The following PHLPP1 variants were observed in gnomAD, a reference collection of about 807,000 sequenced individuals.
PHLPP1 encodes the protein PH domain leucine-rich repeat-containing protein phosphatase 1.
Under a neutral mutation model 117.2 loss-of-function variants are expected in PHLPP1, and 42 were observed. That is an observed-to-expected ratio of 0.36 (90% CI 0.28 to 0.46). The LOEUF (loss-of-function observed/expected upper bound fraction) is 0.46, where lower values mean the gene tolerates loss of function less well. PHLPP1 is among the 20% of genes least tolerant of loss of function. The pLI is 1.00. For synonymous variants in PHLPP1, 1,042 were observed against 970.7 expected, an observed-to-expected ratio of 1.07 and a Z score of -1.37; for missense variants, 2,084 against 2,241.9, an observed-to-expected ratio of 0.93 and a Z score of 1.42.
chr18:62,839,926 A>G (rs993357817), intron 3 of PHLPP1: 15 of 151,756 alleles, frequency 9.9e-5, no homozygotes, highest in South Asian at 4.2e-4. Context: ...GTGTAAAATA[A>G]TGGGGTGGAT....
At chr18:62,936,204 G>A (rs1909962482) in intron 10 of PHLPP1, among the ~76,000 whole-genome samples, 1 of 152,072 alleles carries the variant, frequency 6.6e-6, no homozygotes, top group Non-Finnish European at 1.5e-5. Flanking sequence ...AGCTCCCAGT[G>A]GCCACATTTG....
intron 1 of PHLPP1, among the ~76,000 whole-genome samples, chr18:62,766,103 A>ATATATATATATATATATG (rs1491171718): frequency 1.9e-5 from 1 of 53,358 alleles, no homozygotes; most frequent in Non-Finnish European, 4.0e-5. Context: ...ATATATATAT[A>ATATATATATATATATATG]AAATATATAT....
At chr18:62,915,162 A>G (rs1909229682) in intron 9 of PHLPP1, among the ~76,000 whole-genome samples, 154 bp downstream of exon 9, 1 of 152,200 alleles carries the variant, frequency 6.6e-6, no homozygotes, top group Non-Finnish European at 1.5e-5. Flanking sequence ...TTCAAGTTAC[A>G]CACTTGCTTC....
At chr18:62,969,879 G>A (rs992804868) in intron 14 of PHLPP1, among the ~76,000 whole-genome samples, 15 of 152,070 alleles carry the variant, frequency 9.9e-5, no homozygotes, top group Non-Finnish European at 1.5e-4. Context: ...ATTTCTTATA[G>A]GCGGCATATA....
At chr18:62,900,429 CTTTCTTTTTTTT>C (rs1448387279) in intron 6 of PHLPP1, among the ~76,000 whole-genome samples, 2 of 95,854 alleles carry the variant, frequency 2.1e-5, no homozygotes, top group African/African-American at 8.9e-5. Flanking sequence ...TTTTCTTTTT[CTTTCTTTTTTTT>C]TTTTTTTTTT....
chr18:62,940,466 G>A (rs958848656), intron 10 of PHLPP1, among the ~76,000 whole-genome samples: 13 of 134,696 alleles, frequency 9.7e-5, no homozygotes, highest in Admixed American at 4.3e-4. Context: ...CTGGGTTCAC[G>A]CCATTCTCCT....
intron 1 of PHLPP1, among the ~76,000 whole-genome samples, chr18:62,734,599 T>C (rs1911318684): frequency 1.3e-5 from 2 of 152,208 alleles, no homozygotes; most frequent in Admixed American, 1.3e-4. Flanking sequence ...TTTATAATTA[T>C]GAGAAACACC....
chr18:62,810,842 C>T (rs1441343457), intron 1 of PHLPP1, among the ~76,000 whole-genome samples: 1 of 152,188 alleles, frequency 6.6e-6, no homozygotes, highest in African/African-American at 2.4e-5. Context: ...GAAAATTAGA[C>T]TTATTTAGAT....
intron 6 of PHLPP1, among the ~76,000 whole-genome samples, chr18:62,896,460 T>A (rs1020680472): frequency 6.6e-6 from 1 of 151,802 alleles, no homozygotes; most frequent in African/African-American, 2.4e-5. Flanking sequence ...CCTGGCTAAT[T>A]TTTTTGTATT....
At chr18:62,829,414 A>G (rs1049246096) in intron 1 of PHLPP1, among the ~76,000 whole-genome samples, 1 of 152,192 alleles carries the variant, frequency 6.6e-6, no homozygotes, top group African/African-American at 2.4e-5. Flanking sequence ...AACATCATGA[A>G]GTCGTTTCAA....
chr18:62,952,935 T>A (rs1244487069), intron 12 of PHLPP1, among the ~76,000 whole-genome samples: 4 of 152,222 alleles, frequency 2.6e-5, no homozygotes, highest in African/African-American at 9.6e-5. Context: ...AATACAATTT[T>A]ATGTAGAATA....
rs368207758 is a variant in PHLPP1 at position 62,880,974 on chromosome 18, A to G, written c.2067-14037A>G. ...CTGTGCCTTATTTGTTATTGTATCC[A>G]TAGGATTAACCCAGCCTAAGGTTTG... On this transcript the variant is annotated intron_variant, in intron 4 of 16. Coordinates refer to ENST00000262719, the MANE Select transcript of PHLPP1 (RefSeq NM_194449.4). Among the ~76,000 whole-genome samples, 73 of 152,330 alleles carry G rather than the reference A, an allele frequency of 4.8e-4. 2 individuals are homozygous for G. The South Asian group carries it at 0.015, about 31-fold the overall frequency.
At chr18:62,900,999 G>T (rs1482244118) in intron 6 of PHLPP1, among the ~76,000 whole-genome samples, 1 of 152,082 alleles carries the variant, frequency 6.6e-6, no homozygotes, top group Non-Finnish European at 1.5e-5. Context: ...CTGAAAACTT[G>T]GTATTTCAGT....
At chr18:62,952,180 C>G (rs1302052743) in intron 12 of PHLPP1, among the ~76,000 whole-genome samples, 2 of 152,074 alleles carry the variant, frequency 1.3e-5, no homozygotes, top group Non-Finnish European at 2.9e-5. Flanking sequence ...AATTCCAACA[C>G]TTTGGGTGGC....
chr18:62,782,509 T>G (rs1913147211), intron 1 of PHLPP1, among the ~76,000 whole-genome samples: 1 of 152,246 alleles, frequency 6.6e-6, no homozygotes, highest in Non-Finnish European at 1.5e-5. Context: ...ATATTCTTGC[T>G]TAAAAGTATC....
intron 1 of PHLPP1, among the ~76,000 whole-genome samples, chr18:62,762,674 A>G (rs1302336278): frequency 2.0e-5 from 3 of 152,250 alleles, no homozygotes; most frequent in African/African-American, 4.8e-5. Context: ...TTGGCCTCCC[A>G]AAGTACTGGG....
intron 14 of PHLPP1, among the ~76,000 whole-genome samples, chr18:62,963,934 T>G (rs952392458): frequency 3.9e-5 from 6 of 152,192 alleles, no homozygotes; most frequent in Non-Finnish European, 8.8e-5. Context: ...GGCAGCAGTT[T>G]GATGTCCATT....
At position 62,838,779 on chromosome 18, in the gene PHLPP1, T is replaced by C; in HGVS notation, c.1774-5T>C. 6.2e-7 allele frequency: 1 copy of C among 1,613,730 alleles called. No individual in the cohort carries two copies. Among genetic ancestry groups the C allele is most frequent in the Admixed American group, 1.7e-5 (1 of 60,008 alleles). ...GTTTCTGCTTCTCTCTGTTTGCTTT[T>C]ATAGGTAGAAGAAGTGAAAAAGCAC... On this transcript the variant is annotated splice_region_variant and splice_polypyrimidine_tract_variant and intron_variant, in intron 2 of 16. Transcript: ENST00000262719.
intron 1 of PHLPP1, among the ~76,000 whole-genome samples, chr18:62,739,330 C>G (rs1294146368): frequency 1.3e-5 from 2 of 152,124 alleles, no homozygotes; most frequent in Non-Finnish European, 2.9e-5. Flanking sequence ...ATATGAAGGT[C>G]AGTTAGCTGG....
Sources: gnomAD v4.1 joint callset for allele counts (sites outside exome capture counted in the v4.1 genomes callset) on GRCh38, gnomAD v4.1.1 for gene constraint, MANE v1.5 for transcripts, NCBI Gene and HGNC (gene_info 2026-07-23, HGNC 2026-07-21) for gene names.